The following ARL5B variants were observed in gnomAD, a reference collection of about 807,000 sequenced individuals.
ARL5B encodes the protein ADP-ribosylation factor-like protein 5B.
In ARL5B, 10 loss-of-function variants were observed where a neutral mutation model predicts 26.9. The ratio of observed to expected loss-of-function variants is 0.37; its 90% CI spans 0.23 to 0.63. The LOEUF is 0.63. Ranked by LOEUF, ARL5B falls within the 30% of genes least tolerant of loss-of-function variation. The pLI is 0.62. For missense variants in ARL5B, 167 were observed against 213.9 expected, an observed-to-expected ratio of 0.78 and a Z score of 1.37; for synonymous variants, 87 against 70.4, an observed-to-expected ratio of 1.24 and a Z score of -1.18.
chr10:18,671,375 T>G (rs975139266), intron 3 of ARL5B, among the ~76,000 whole-genome samples: 1 of 152,084 alleles, frequency 6.6e-6, no homozygotes, highest in Non-Finnish European at 1.5e-5. Context: ...TTTCACCATG[T>G]TGGCCAGGTT....
At chr10:18,669,064 C>T (rs1375290172) in intron 3 of ARL5B, among the ~76,000 whole-genome samples, 3 of 151,872 alleles carry the variant, frequency 2.0e-5, no homozygotes, top group Admixed American at 6.6e-5. Context: ...CCACCGTGGC[C>T]GGCCTTTTAA....
chr10:18,672,650 A>T lies in ARL5B; in HGVS notation c.284A>T (p.Asp95Val). The change falls in exon 4 of 6, where the codon GAC (aspartate) becomes GTC (valine). Residue 95 changes from aspartate to valine, a missense_variant. By Grantham distance (152) the Asp-to-Val change is radical. Transcript: ENST00000377275. ...ATCATTCTTGTTGTTGATAGCATTG[A>T]CAGGGAACGACTAGCTATTACAAAA... is the stretch of plus-strand genomic sequence containing the variant. Reference protein sequence around the residue: ...EFIILVVDSIDRERLAITKEE... With the variant: ...EFIILVVDSIVRERLAITKEE... 6.2e-7 allele frequency: 1 copy of T among 1,610,988 alleles called. No individual in the cohort carries two copies. Among genetic ancestry groups the T allele is most frequent in the Non-Finnish European group, 8.5e-7 (1 of 1,178,472 alleles).
chr10:18,677,580 A>G lies in ARL5B; in HGVS notation c.*2364A>G, dbSNP rs888649857. ...TCCTGTCACAGTAACGTGAAAACTG[A>G]TTATTCTTTACTCCAAGAGAATGTT... On this transcript the variant is annotated 3_prime_UTR_variant, in exon 6 of 6. Transcript: ENST00000377275. 1 of 152,234 alleles carries G rather than the reference A, an allele frequency of 6.6e-6. No individual in the cohort carries two copies. The highest frequency in any genetic ancestry group is 2.4e-5 in the African/African-American group (1 of 41,404). 9.4% of individuals were successfully genotyped at this position (152,234 alleles called of 1,614,324 possible). A position where few individuals can be genotyped will look rare whatever the true frequency, so the allele number is the denominator to read the frequency against.
intron 4 of ARL5B, among the ~76,000 whole-genome samples, chr10:18,673,104 C>T (rs952902155): frequency 6.6e-6 from 1 of 151,540 alleles, no homozygotes; most frequent in African/African-American, 2.4e-5. Flanking sequence ...GCTCTGTTGC[C>T]CAGGCTGGAG....
At position 18,677,473 on chromosome 10, in the gene ARL5B, C is replaced by T. The variant is rs1348854973; in HGVS notation, c.*2257C>T. 1.3e-5 allele frequency: 2 copies of T among 151,810 alleles called. No individual in the cohort carries two copies. The highest frequency in any genetic ancestry group is 2.1e-4 in the South Asian group (1 of 4,812). The allele number at this position is 151,810 out of a possible 1,614,324, so 9.4% of individuals were successfully genotyped here. ...AAGATGAAATTGGCATCAGTGTAGA[C>T]GGTGCTGATTGGGAAAAGTTCATGA... On this transcript the variant is annotated 3_prime_UTR_variant, in exon 6 of 6. Coordinates refer to ENST00000377275, the MANE Select transcript of ARL5B (RefSeq NM_178815.5).
intron 2 of ARL5B, among the ~76,000 whole-genome samples, chr10:18,667,492 A>G (rs1040960214): frequency 2.0e-5 from 3 of 152,186 alleles, no homozygotes; most frequent in Non-Finnish European, 2.9e-5. Context: ...AACATCACAT[A>G]TAAACATTTC....
In ARL5B at chr10:18,679,778, A is replaced by G. The variant is rs2059924922; in HGVS notation, c.*4562A>G. 1 of 151,982 alleles carries G rather than the reference A, an allele frequency of 6.6e-6. No homozygotes were observed. Among genetic ancestry groups the G allele is most frequent in the African/African-American group, 2.4e-5 (1 of 41,428 alleles). The allele number at this position is 151,982 out of a possible 1,614,324, so 9.4% of individuals were successfully genotyped here. A position where few individuals can be genotyped will look rare whatever the true frequency, so the allele number is the denominator to read the frequency against. On this transcript the variant is annotated 3_prime_UTR_variant, in exon 6 of 6. Coordinates refer to ENST00000377275, the MANE Select transcript of ARL5B (RefSeq NM_178815.5). ...ATTCAAAGCACTTGAAAGTAAAGAC[A>G]ATATCATGAGGTCGAAAAAACTTCA...
Position 18,679,385 on chromosome 10 carries a change from A to G in ARL5B, c.*4169A>G, listed in dbSNP as rs1181244499. The G allele has an allele frequency of 6.6e-6, 1 of 151,972 alleles. No individual in the cohort carries two copies. The highest frequency in any genetic ancestry group is 1.9e-4 in the East Asian group (1 of 5,194). 9.4% of individuals were successfully genotyped at this position (151,972 alleles called of 1,614,324 possible). On this transcript the variant is annotated 3_prime_UTR_variant, in exon 6 of 6. Transcript: ENST00000377275. The stretch of plus-strand genomic sequence containing the variant: ...GTTCTGTGTGACTTTCCATATTGAA[A>G]GAGTAGGGTTAGTAGCCAGGTTGTC...
chr10:18,661,135 C>T (rs1259049270), intron 1 of ARL5B, among the ~76,000 whole-genome samples: 1 of 152,198 alleles, frequency 6.6e-6, no homozygotes, highest in Non-Finnish European at 1.5e-5. Flanking sequence ...AGGTGTGAGC[C>T]ACCGCGCCCA....
intron 1 of ARL5B, among the ~76,000 whole-genome samples, chr10:18,661,752 T>C (rs1397892017): frequency 1.3e-5 from 2 of 151,964 alleles, no homozygotes; most frequent in Non-Finnish European, 2.9e-5. Context: ...TAATGATGAG[T>C]AGGAATTTGG....
intron 1 of ARL5B, among the ~76,000 whole-genome samples, chr10:18,660,241 A>G (rs1392747646): frequency 2.6e-5 from 4 of 152,040 alleles, no homozygotes; most frequent in Admixed American, 2.6e-4. Flanking sequence ...TAAAGCATTT[A>G]GTTCAGAAAC....
At chr10:18,673,890 A>G in intron 4 of ARL5B, 94 bp from the exon 5 acceptor site, 1 of 1,148,488 alleles carries the variant, frequency 8.7e-7, no homozygotes, top group Non-Finnish European at 1.2e-6. Context: ...GTGCCCGATT[A>G]TGTTAAAGTA....
chr10:18,671,470 G>A (rs1262299605), intron 3 of ARL5B, among the ~76,000 whole-genome samples: 2 of 151,826 alleles, frequency 1.3e-5, no homozygotes, highest in African/African-American at 4.8e-5. Context: ...CACCTAGCCT[G>A]TTTCCCTAAT....
intron 4 of ARL5B, among the ~76,000 whole-genome samples, chr10:18,673,492 A>T (rs1292994196): frequency 6.6e-6 from 1 of 152,166 alleles, no homozygotes; most frequent in Admixed American, 6.5e-5. Flanking sequence ...GCTTTCGTTC[A>T]TTCCTTTTAA....
At chr10:18,666,327 G>C (rs1181527097) in intron 1 of ARL5B, among the ~76,000 whole-genome samples, 1 of 152,190 alleles carries the variant, frequency 6.6e-6, no homozygotes, top group Non-Finnish European at 1.5e-5. Flanking sequence ...AACTTTGCTG[G>C]TGTTTCCTGC....
intron 3 of ARL5B, among the ~76,000 whole-genome samples, chr10:18,669,387 A>T (rs1000284909): frequency 1.3e-5 from 2 of 152,106 alleles, no homozygotes; most frequent in African/African-American, 4.8e-5. Context: ...TAATTTAAAA[A>T]TTTTTTATAC....
intron 3 of ARL5B, 110 bp from the exon 4 acceptor site, chr10:18,672,512 A>T: frequency 1.5e-6 from 1 of 658,962 alleles, no homozygotes; most frequent in Non-Finnish European, 2.6e-6. Flanking sequence ...GATGTTTTAT[A>T]GTAATGATGA....
At chr10:18,666,079 G>T (rs2059860066) in intron 1 of ARL5B, among the ~76,000 whole-genome samples, 1 of 152,160 alleles carries the variant, frequency 6.6e-6, no homozygotes, top group Non-Finnish European at 1.5e-5. Flanking sequence ...TGTGACACAT[G>T]AAACGTTTCA....
chr10:18,669,183 C>A (rs531514725), intron 3 of ARL5B, among the ~76,000 whole-genome samples: 1 of 152,056 alleles, frequency 6.6e-6, no homozygotes, highest in South Asian at 2.1e-4. Context: ...AAAGAAAAGG[C>A]AAATAGAAAG....
Sources: allele counts gnomAD v4.1 joint callset (sites outside exome capture counted in the v4.1 genomes callset), GRCh38; gene constraint gnomAD v4.1.1; transcripts MANE v1.5; gene names NCBI Gene and HGNC (gene_info 2026-07-23, HGNC 2026-07-21).